The following PTPN2 variants were observed in gnomAD, a reference collection of about 807,000 sequenced individuals.
PTPN2 encodes the protein tyrosine-protein phosphatase non-receptor type 2.
PTPN2 carries 19 observed loss-of-function variants against 57.3 expected under a neutral mutation model. The observed-to-expected ratio is 0.33, with a 90% CI of 0.23 to 0.49. The LOEUF (loss-of-function observed/expected upper bound fraction) is 0.49, where lower values mean the gene tolerates loss of function less well. PTPN2 is among the 20% of genes least tolerant of loss of function. The pLI is 0.99. For missense variants in PTPN2, 358 were observed against 501.1 expected (o/e 0.71, Z 2.73); for synonymous variants, 153 against 164.9 (o/e 0.93, Z 0.55).
chr18:12,804,289 C>CAAAAAAAAAAAAAA (rs59927276), intron 7 of PTPN2, among the ~76,000 whole-genome samples: 19 of 67,850 alleles, frequency 2.8e-4, no homozygotes, highest in African/African-American at 3.2e-4. Flanking sequence ...GAAACTGTCT[C>CAAAAAAAAAAAAAA]AAAAAAAAAA....
rs60476203 is a variant in PTPN2, at chr18:12,867,719, C to T, written c.70-8465G>A. ...AACGCTCATTTCGCACACCTCTTTC[C>T]TGAGTTCTGAGAGATTTTTCTCAAG... On this transcript the variant is annotated intron_variant, in intron 1 of 8. Transcript: ENST00000309660. Among the ~76,000 whole-genome samples, 1,344 of 152,288 alleles carry T rather than the reference C, an allele frequency of 8.8e-3. 27 individuals carry two copies. Among genetic ancestry groups the T allele is most frequent in the African/African-American group, 0.031 (1,301 of 41,556 alleles).
chr18:12,838,944 A>C (rs1470300186), intron 2 of PTPN2, among the ~76,000 whole-genome samples: 11 of 151,948 alleles, frequency 7.2e-5, no homozygotes, highest in African/African-American at 2.7e-4. Flanking sequence ...AAAAGGAGAA[A>C]TAAAACTTTA....
chr18:12,788,134 T>C (rs1598716290), downstream of PTPN2: 1 of 154,908 alleles, frequency 6.5e-6, no homozygotes. Context: ...ATTTGATGTA[T>C]CAAGAGCAAC....
downstream of PTPN2, among the ~76,000 whole-genome samples, chr18:12,788,432 CTTTTTT>C (rs71174142): frequency 0.013 from 1,161 of 90,128 alleles, 38 homozygotes; most frequent in African/African-American, 0.051. Flanking sequence ...GGGATCAGGG[CTTTTTT>C]TTTTTTTTTT....
At chr18:12,852,822 C>T (rs2043444220) in intron 2 of PTPN2, among the ~76,000 whole-genome samples, 1 of 152,158 alleles carries the variant, frequency 6.6e-6, no homozygotes, top group South Asian at 2.1e-4. Flanking sequence ...TAAAAATAAA[C>T]ATTTCCAGAC....
intron 5 of PTPN2, among the ~76,000 whole-genome samples, chr18:12,822,205 T>C (rs890856426): frequency 6.6e-5 from 10 of 152,112 alleles, no homozygotes; most frequent in Admixed American, 4.6e-4. Context: ...ATAAACTGTT[T>C]AAACTATTTT....
chr18:12,793,988 A>G lies in PTPN2; in HGVS notation c.*290T>C. On this transcript the variant is annotated 3_prime_UTR_variant, in exon 9 of 9. Transcript: ENST00000309660. ...GATAAAGGATATCTCAATGTTGGTC[A>G]GGTGAAATACTGTGTTTGACATGTA... is the stretch of plus-strand genomic sequence containing the variant. 8.1e-7 allele frequency: 1 copy of G among 1,236,532 alleles called. No homozygotes were observed. The highest frequency in any genetic ancestry group is 3.2e-4 in the Middle Eastern group (1 of 3,078). 76.6% of individuals were successfully genotyped at this position (1,236,532 alleles called of 1,614,324 possible).
chr18:12,810,232 T>G (rs1425318832), intron 7 of PTPN2, among the ~76,000 whole-genome samples: 2 of 151,802 alleles, frequency 1.3e-5, no homozygotes, highest in Admixed American at 6.6e-5. Context: ...GGCATGGTGG[T>G]GCAAGCCTGT....
intron 2 of PTPN2, among the ~76,000 whole-genome samples, chr18:12,847,474 C>G (rs751802000): frequency 6.6e-6 from 1 of 152,150 alleles, no homozygotes; most frequent in Non-Finnish European, 1.5e-5. Context: ...TAGGTTTTCT[C>G]TTTCCCTGTC....
At chr18:12,791,851 T>C (rs1848408358), downstream of PTPN2, among the ~76,000 whole-genome samples, 3 of 152,150 alleles carry the variant, frequency 2.0e-5, no homozygotes, top group South Asian at 4.2e-4. Flanking sequence ...AGGCACGTCC[T>C]CTCTGGCACT....
At chr18:12,883,780 C>A (rs537980929) in intron 1 of PTPN2, 2 of 293,906 alleles carry the variant, frequency 6.8e-6, no homozygotes, top group Non-Finnish European at 6.4e-6. Flanking sequence ...GCTGGTGGCG[C>A]ATCCACGCGC....
chr18:12,811,902 C>T (rs1184790211), intron 7 of PTPN2, among the ~76,000 whole-genome samples: 2 of 152,190 alleles, frequency 1.3e-5, no homozygotes, highest in Admixed American at 1.3e-4. Context: ...CCATGCCCCC[C>T]ACACAATGCC....
intron 1 of PTPN2, among the ~76,000 whole-genome samples, chr18:12,870,376 T>C (rs1346701181): frequency 1.5e-4 from 9 of 59,462 alleles, no homozygotes; most frequent in South Asian, 1.0e-3. Context: ...TATATATACA[T>C]ATATATACGT....
chr18:12,828,326 T>C (rs1322678772), intron 4 of PTPN2, among the ~76,000 whole-genome samples: 1 of 152,190 alleles, frequency 6.6e-6, no homozygotes, highest in Non-Finnish European at 1.5e-5. Context: ...TGATGAATAT[T>C]AAATAATGCT....
chr18:12,835,213 C>T (rs1412002393), intron 3 of PTPN2, among the ~76,000 whole-genome samples: 1 of 151,962 alleles, frequency 6.6e-6, no homozygotes, highest in Non-Finnish European at 1.5e-5. Context: ...ATAAAAAAAA[C>T]TTCCAATATT....
chr18:12,807,602 T>TAA (rs1397151799), intron 7 of PTPN2, among the ~76,000 whole-genome samples: 1 of 98,672 alleles, frequency 1.0e-5, no homozygotes. Flanking sequence ...TATATATATA[T>TAA]ATAATATAAT....
chr18:12,865,729 A>G (rs2043969446), intron 1 of PTPN2, among the ~76,000 whole-genome samples: 1 of 152,054 alleles, frequency 6.6e-6, no homozygotes, highest in Non-Finnish European at 1.5e-5. Context: ...CGGAAGGCTG[A>G]GGAACGAGAA....
At chr18:12,837,993 T>TA (rs2042924305) in intron 2 of PTPN2, among the ~76,000 whole-genome samples, 2 of 152,138 alleles carry the variant, frequency 1.3e-5, no homozygotes, top group African/African-American at 2.4e-5. Context: ...GCACTTTTTT[T>TA]TAAAAATCAC....
chr18:12,839,311 A>G (rs573704902), intron 2 of PTPN2, among the ~76,000 whole-genome samples: 39 of 152,314 alleles, frequency 2.6e-4, no homozygotes, highest in Admixed American at 1.2e-3. Flanking sequence ...CCCTGCCCAG[A>G]TACTATCAGT....
Sources: gnomAD v4.1 joint callset for allele counts (sites outside exome capture counted in the v4.1 genomes callset) on GRCh38, gnomAD v4.1.1 for gene constraint, MANE v1.5 for transcripts, NCBI Gene and HGNC (gene_info 2026-07-23, HGNC 2026-07-21) for gene names.